The following ADK variants were observed in gnomAD, a reference collection of about 807,000 sequenced individuals.
The protein encoded by ADK is adenosine kinase.
ADK carries 24 observed loss-of-function variants against 44.7 expected under a neutral mutation model. That is an observed-to-expected ratio of 0.54 (90% confidence interval 0.39 to 0.76). The LOEUF is 0.76. ADK is among the 30% of genes least tolerant of loss of function. The probability of loss-of-function intolerance (pLI) is 0.00; values close to 1 mark genes in which losing one functional copy is unlikely to be tolerated. For missense variants in ADK, 321 were observed against 425.1 expected (o/e 0.76, Z 2.15); for synonymous variants, 128 against 142.6 (o/e 0.90, Z 0.73).
At chr10:74,560,899 T>C (rs566876578) in intron 7 of ADK, among the ~76,000 whole-genome samples, 1 of 152,284 alleles carries the variant, frequency 6.6e-6, no homozygotes, top group Non-Finnish European at 1.5e-5. Flanking sequence ...TGCGAGCTAT[T>C]ATCCTATTTT....
chr10:74,192,524 C>T (rs1842987900), intron 1 of ADK, among the ~76,000 whole-genome samples: 1 of 149,282 alleles, frequency 6.7e-6, no homozygotes. Context: ...CTGCACCTGG[C>T]CCATTTTTTT....
rs138446706 is a variant in ADK at position 74,411,595 on chromosome 10, A to T, written c.555+13016A>T. ...TGATCATCTGAGCCTTTAGCGAGTA[A>T]TAATCTTTTTGCTGTTGGAGGGTCT... is the stretch of plus-strand genomic sequence containing the variant. On this transcript the variant is annotated intron_variant, in intron 6 of 10. Transcript: ENST00000539909. 2.6e-3 allele frequency among the ~76,000 whole-genome samples: 394 copies of T among 152,330 alleles called. 2 individuals are homozygous for T. Among genetic ancestry groups the T allele is most frequent in the Non-Finnish European group, 4.0e-3 (274 of 68,032 alleles).
intron 4 of ADK, among the ~76,000 whole-genome samples, chr10:74,342,647 AT>A (rs534947513): frequency 3.3e-5 from 5 of 151,352 alleles, no homozygotes; most frequent in Non-Finnish European, 7.4e-5. Flanking sequence ...CTAATTTTTA[AT>A]TTTTTTTGTA....
At chr10:74,529,659 G>A (rs1452958115) in intron 7 of ADK, among the ~76,000 whole-genome samples, 5 of 151,936 alleles carry the variant, frequency 3.3e-5, no homozygotes, top group African/African-American at 9.7e-5. Context: ...AAGCTGCTAC[G>A]TGGCTGTAAG....
intron 6 of ADK, among the ~76,000 whole-genome samples, chr10:74,453,848 T>A (rs1589125914): frequency 6.6e-6 from 1 of 152,096 alleles, no homozygotes; most frequent in South Asian, 2.1e-4. Flanking sequence ...ATATTCATGA[T>A]AGAAGCCATA....
chr10:74,182,730 G>GA (rs1432486636), intron 1 of ADK, among the ~76,000 whole-genome samples: 2 of 151,924 alleles, frequency 1.3e-5, no homozygotes, highest in African/African-American at 4.8e-5. Context: ...ACCTTTGTTT[G>GA]AAAAAAGCGT....
rs113595387 is a variant in ADK at position 74,564,668 on chromosome 10, G to C, written c.727-24614G>C. ...ATTTTGTGTTAGAAGTAGGTTTTTT[G>C]TGTGTTTGCATTCTTCCTAATTTTA... On this transcript the variant is annotated intron_variant, in intron 7 of 10. Transcript: ENST00000539909. 2.9e-3 allele frequency among the ~76,000 whole-genome samples: 436 copies of C among 152,094 alleles called. 4 individuals are homozygous for C. The highest frequency in any genetic ancestry group is 0.01 in the African/African-American group (417 of 41,500).
intron 6 of ADK, among the ~76,000 whole-genome samples, chr10:74,503,305 A>C (rs988337143): frequency 6.6e-6 from 1 of 152,226 alleles, no homozygotes; most frequent in Non-Finnish European, 1.5e-5. Flanking sequence ...AGAAAGGTAC[A>C]GGATTTATAC....
intron 3 of ADK, among the ~76,000 whole-genome samples, chr10:74,305,969 C>T (rs947804571): frequency 7.9e-5 from 12 of 152,158 alleles, no homozygotes; most frequent in South Asian, 4.1e-4. Flanking sequence ...AAGCAGTCCT[C>T]CTGCTTTGGC....
chr10:74,683,521 C>CA (rs144936615), intron 10 of ADK, among the ~76,000 whole-genome samples: 1,660 of 152,254 alleles, frequency 0.011, 27 homozygotes, highest in African/African-American at 0.038. Flanking sequence ...TGAAACACCA[C>CA]AGGTATTCCA....
At chr10:74,423,041 G>T (rs1332030137) in intron 6 of ADK, among the ~76,000 whole-genome samples, 1 of 152,170 alleles carries the variant, frequency 6.6e-6, no homozygotes, top group Admixed American at 6.5e-5. Context: ...AGATGCTCTT[G>T]CTGAGTCTGT....
chr10:74,646,520 A>C (rs1854059902), intron 9 of ADK, among the ~76,000 whole-genome samples: 1 of 152,238 alleles, frequency 6.6e-6, no homozygotes, highest in Non-Finnish European at 1.5e-5. Flanking sequence ...AAAATGGCAG[A>C]AAACTACAAA....
chr10:74,163,034 C>G (rs1449195789), intron 1 of ADK, among the ~76,000 whole-genome samples: 1 of 151,908 alleles, frequency 6.6e-6, no homozygotes, highest in Admixed American at 6.6e-5. Context: ...GTGGCATGAT[C>G]TCGGCTCACT....
At chr10:74,408,008 C>G (rs1844012856) in intron 6 of ADK, among the ~76,000 whole-genome samples, 1 of 151,484 alleles carries the variant, frequency 6.6e-6, no homozygotes, top group Non-Finnish European at 1.5e-5. Context: ...GAATTTGAGT[C>G]TCAGTCTGTT....
chr10:74,659,051 TA>T (rs1297459384), intron 9 of ADK, among the ~76,000 whole-genome samples: 2 of 151,462 alleles, frequency 1.3e-5, no homozygotes, highest in Non-Finnish European at 2.9e-5. Context: ...CCCATCTCTA[TA>T]AAAAAAATAA....
At chr10:74,385,631 T>G (rs1206253031) in intron 4 of ADK, among the ~76,000 whole-genome samples, 1 of 152,234 alleles carries the variant, frequency 6.6e-6, no homozygotes, top group South Asian at 2.1e-4. Flanking sequence ...AAATTCTGCA[T>G]TTTATCACAG....
intron 4 of ADK, chr10:74,372,263 T>G (rs547365670): frequency 2.6e-6 from 2 of 762,776 alleles, no homozygotes; most frequent in Non-Finnish European, 4.8e-6. Context: ...AGCCTGAGGT[T>G]GCAGACTGGT....
intron 9 of ADK, among the ~76,000 whole-genome samples, chr10:74,644,131 T>C (rs983610960): frequency 3.9e-5 from 6 of 152,242 alleles, no homozygotes; most frequent in African/African-American, 9.6e-5. Flanking sequence ...AGGCTGCCAT[T>C]AGTACCTGCA....
intron 1 of ADK, among the ~76,000 whole-genome samples, chr10:74,166,998 A>G (rs912945311): frequency 2.4e-4 from 37 of 152,240 alleles, no homozygotes; most frequent in African/African-American, 8.7e-4. Flanking sequence ...TCCAGACTAC[A>G]TGAGCCTTTT....
Sources: allele counts gnomAD v4.1 joint callset (sites outside exome capture counted in the v4.1 genomes callset), GRCh38; gene constraint gnomAD v4.1.1; transcripts MANE v1.5; gene names NCBI Gene and HGNC (gene_info 2026-07-23, HGNC 2026-07-21).